NTRK3: variants seen among roughly 807,000 people sequenced by gnomAD.
NTRK3 encodes NT-3 growth factor receptor.
In NTRK3, 24 loss-of-function variants were observed where a neutral mutation model predicts 91.7. The ratio of observed to expected loss-of-function variants is 0.26; its 90% CI spans 0.19 to 0.37. The LOEUF (loss-of-function observed/expected upper bound fraction) is 0.37. Among genes scored for constraint, NTRK3 ranks in the 10% least tolerant of loss-of-function variants. NTRK3 has a pLI of 1.00. For synonymous variants in NTRK3, 483 were observed against 404.0 expected, an observed-to-expected ratio of 1.20 and a Z score of -2.34; for missense variants, 880 against 1,068.9, an observed-to-expected ratio of 0.82 and a Z score of 2.46.
At chr15:87,969,242 C>T (rs552066034) in intron 14 of NTRK3, among the ~76,000 whole-genome samples, 2 of 152,234 alleles carry the variant, frequency 1.3e-5, no homozygotes, top group East Asian at 3.9e-4. Flanking sequence ...CTTCCGAATC[C>T]CTGCTTGAAG....
At chr15:87,991,890 T>A (rs1278070966) in intron 14 of NTRK3, among the ~76,000 whole-genome samples, 1 of 151,950 alleles carries the variant, frequency 6.6e-6, no homozygotes, top group East Asian at 1.9e-4. Context: ...TCTGAGGATA[T>A]CTTTGTCTAT....
intron 13 of NTRK3, among the ~76,000 whole-genome samples, chr15:88,121,178 T>A (rs1031843238): frequency 1.3e-5 from 2 of 152,242 alleles, no homozygotes; most frequent in African/African-American, 4.8e-5. Flanking sequence ...TACTTTCTAT[T>A]AAATAATTTT....
intron 3 of NTRK3, among the ~76,000 whole-genome samples, chr15:88,206,969 C>G (rs1262711481): frequency 6.6e-6 from 1 of 152,194 alleles, no homozygotes; most frequent in African/African-American, 2.4e-5. Flanking sequence ...GACCCCCAGG[C>G]CCAGGCTTGG....
At chr15:88,207,132 C>T (rs538401535) in intron 3 of NTRK3, among the ~76,000 whole-genome samples, 1 of 152,324 alleles carries the variant, frequency 6.6e-6, no homozygotes, top group South Asian at 2.1e-4. Context: ...CCCCAGCCCT[C>T]GGGCCAGGAG....
intron 14 of NTRK3, among the ~76,000 whole-genome samples, chr15:88,028,193 C>G (rs1011026530): frequency 6.6e-6 from 1 of 151,904 alleles, no homozygotes; most frequent in African/African-American, 2.4e-5. Flanking sequence ...ACAAGGTGCT[C>G]TCAGTGGTCC....
intron 2 of NTRK3, 37 bp from the exon 3 acceptor site, chr15:88,256,205 G>A (rs780071504): frequency 2.4e-6 from 2 of 828,228 alleles, no homozygotes; most frequent in East Asian, 3.0e-5. Flanking sequence ...GGGGGGTGGG[G>A]TGGGGGGAGT....
At chr15:87,889,823 G>C (rs989193200) in intron 17 of NTRK3, among the ~76,000 whole-genome samples, 2 of 152,130 alleles carry the variant, frequency 1.3e-5, no homozygotes, top group Non-Finnish European at 2.9e-5. Context: ...AGTGTCAAAA[G>C]TTCCCAAATG....
intron 13 of NTRK3, among the ~76,000 whole-genome samples, chr15:88,051,131 C>T (rs879831985): frequency 1.3e-5 from 2 of 152,162 alleles, no homozygotes; most frequent in Non-Finnish European, 2.9e-5. Context: ...TACACGTCTG[C>T]TGTTCCCCAA....
At chr15:87,881,887 G>A (rs2065276639) in intron 17 of NTRK3, among the ~76,000 whole-genome samples, 1 of 151,832 alleles carries the variant, frequency 6.6e-6, no homozygotes, top group Non-Finnish European at 1.5e-5. Context: ...TTGCAGAGCA[G>A]TTCTTTTCTT....
intron 17 of NTRK3, among the ~76,000 whole-genome samples, chr15:87,905,710 C>A (rs2066725719): frequency 6.6e-6 from 1 of 152,144 alleles, no homozygotes; most frequent in African/African-American, 2.4e-5. Flanking sequence ...TCTCAGCACT[C>A]TGCATGCATT....
intron 14 of NTRK3, among the ~76,000 whole-genome samples, chr15:88,015,409 C>G (rs1004350162): frequency 1.3e-5 from 2 of 152,186 alleles, no homozygotes; most frequent in Non-Finnish European, 2.9e-5. Flanking sequence ...AACCCTGCCC[C>G]CTGTCTGCCT....
At chr15:88,144,992 G>A (rs1371593150) in intron 6 of NTRK3, among the ~76,000 whole-genome samples, 2 of 152,118 alleles carry the variant, frequency 1.3e-5, no homozygotes, top group Non-Finnish European at 2.9e-5. Context: ...TCTGGCCTGT[G>A]GCTTTCCTGG....
intron 17 of NTRK3, among the ~76,000 whole-genome samples, chr15:87,913,658 C>T (rs2067249035): frequency 6.6e-6 from 1 of 152,186 alleles, no homozygotes; most frequent in Non-Finnish European, 1.5e-5. Context: ...TTGCAAGCAA[C>T]AAAAGGACTC....
chr15:87,912,417 C>T (rs1443084320), intron 17 of NTRK3, among the ~76,000 whole-genome samples: 1 of 152,168 alleles, frequency 6.6e-6, no homozygotes, highest in East Asian at 1.9e-4. Context: ...TTCCACCCCT[C>T]ATTTATTGTA....
chr15:88,160,184 G>T, intron 5 of NTRK3, among the ~76,000 whole-genome samples: 1 of 152,198 alleles, frequency 6.6e-6, no homozygotes, highest in Middle Eastern at 3.2e-3. Context: ...GGAACCCAGA[G>T]GAAGGAGGGG....
At chr15:87,977,605 A>C (rs1274427967) in intron 14 of NTRK3, 1 of 231,722 alleles carries the variant, frequency 4.3e-6, no homozygotes, top group African/African-American at 2.2e-5. Flanking sequence ...GACCCAAAGC[A>C]TCAGCAGGGC....
chr15:88,085,467 C>T (rs1351809595), intron 13 of NTRK3, among the ~76,000 whole-genome samples: 1 of 152,190 alleles, frequency 6.6e-6, no homozygotes, highest in Non-Finnish European at 1.5e-5. Flanking sequence ...ATATGCTCTG[C>T]CCCTTCAGCC....
chr15:87,991,770 T>C (rs1304375090), intron 14 of NTRK3, among the ~76,000 whole-genome samples: 1 of 152,152 alleles, frequency 6.6e-6, no homozygotes, highest in Non-Finnish European at 1.5e-5. Context: ...ATGAACACAT[T>C]CTTTAATTTA....
intron 13 of NTRK3, among the ~76,000 whole-genome samples, chr15:88,086,179 C>A (rs1597220030): frequency 6.6e-6 from 1 of 152,206 alleles, no homozygotes. Flanking sequence ...GGAACAGTTA[C>A]CCAGTCTCAC....
Sources: gnomAD v4.1 joint callset for allele counts (sites outside exome capture counted in the v4.1 genomes callset) on GRCh38, gnomAD v4.1.1 for gene constraint, MANE v1.5 for transcripts, NCBI Gene and HGNC (gene_info 2026-07-23, HGNC 2026-07-21) for gene names.